MINDY4: variants seen among roughly 807,000 people sequenced by gnomAD.
The protein encoded by MINDY4 is MINDY lysine 48 deubiquitinase 4.
A neutral mutation model predicts 87.0 loss-of-function variants in MINDY4; 68 were observed. The ratio of observed to expected loss-of-function variants is 0.78; its 90% CI spans 0.64 to 0.96. MINDY4 has a LOEUF of 0.96. Ranked by LOEUF, MINDY4 falls within the 40% of genes least tolerant of loss-of-function variation. MINDY4 has a pLI of 0.00. For synonymous variants in MINDY4, 379 were observed against 363.2 expected, an observed-to-expected ratio of 1.04 and a Z score of -0.50; for missense variants, 919 against 928.2, an observed-to-expected ratio of 0.99 and a Z score of 0.13.
At chr7:30,863,003 C>T (rs1011499478) in intron 13 of MINDY4, among the ~76,000 whole-genome samples, 17 of 152,144 alleles carry the variant, frequency 1.1e-4, no homozygotes, top group South Asian at 2.1e-4. Context: ...GCCCCCCTCC[C>T]CAGCCTGCCA....
At chr7:30,802,014 A>G (rs1430580451) in intron 5 of MINDY4, among the ~76,000 whole-genome samples, 1 of 146,494 alleles carries the variant, frequency 6.8e-6, no homozygotes, top group Non-Finnish European at 1.5e-5. Context: ...ATGCAGGAGA[A>G]GTAGCAGCTG....
intron 15 of MINDY4, among the ~76,000 whole-genome samples, chr7:30,878,170 TG>T (rs1790337679): frequency 6.6e-6 from 1 of 152,026 alleles, no homozygotes; most frequent in African/African-American, 2.4e-5. Context: ...GACACAGCCG[TG>T]GGAAGACTGG....
intron 5 of MINDY4, among the ~76,000 whole-genome samples, chr7:30,819,893 T>G (rs1207553717): frequency 1.5e-5 from 1 of 67,450 alleles, no homozygotes; most frequent in Non-Finnish European, 2.5e-5. Context: ...ATATAGATAA[T>G]TTTTTTTTTT....
intron 9 of MINDY4, among the ~76,000 whole-genome samples, chr7:30,846,398 A>T (rs571194133): frequency 5.8e-4 from 88 of 152,256 alleles, no homozygotes; most frequent in Non-Finnish European, 9.3e-4. Context: ...AAGATCATTT[A>T]TTTTCCCTAT....
At chr7:30,814,866 T>C (rs1788101957) in intron 5 of MINDY4, among the ~76,000 whole-genome samples, 1 of 152,234 alleles carries the variant, frequency 6.6e-6, no homozygotes, top group Non-Finnish European at 1.5e-5. Flanking sequence ...CAGTCAGAGC[T>C]GTTTCGAACA....
intron 5 of MINDY4, among the ~76,000 whole-genome samples, chr7:30,795,917 T>C (rs1412313024): frequency 2.6e-5 from 4 of 152,132 alleles, no homozygotes; most frequent in Admixed American, 2.0e-4. Context: ...TGTGATTACC[T>C]TGGACCCACC....
chr7:30,874,337 A>G (rs1212034670), intron 14 of MINDY4, among the ~76,000 whole-genome samples: 1 of 152,224 alleles, frequency 6.6e-6, no homozygotes, highest in East Asian at 1.9e-4. Flanking sequence ...GGAAGAGGGA[A>G]GTCACATGGG....
chr7:30,866,929 C>G (rs1789954440), intron 13 of MINDY4, among the ~76,000 whole-genome samples: 1 of 152,168 alleles, frequency 6.6e-6, no homozygotes, highest in South Asian at 2.1e-4. Context: ...CTCCCCCTGC[C>G]TCCTGGGCTC....
intron 7 of MINDY4, among the ~76,000 whole-genome samples, chr7:30,837,551 A>C (rs76461746): frequency 0.016 from 2,356 of 151,706 alleles, 25 homozygotes; most frequent in Non-Finnish European, 0.02. Flanking sequence ...TCTCTCTCAT[A>C]TCTCCCCCTT....
chr7:30,850,587 CTCA>C, intron 10 of MINDY4, 32 bp downstream of exon 10: 1 of 1,561,240 alleles, frequency 6.4e-7, no homozygotes, highest in Non-Finnish European at 8.7e-7. Context: ...GTTGCCGTGG[CTCA>C]TCGTCTGCTG....
At chr7:30,851,530 C>T (rs543831215) in intron 10 of MINDY4, among the ~76,000 whole-genome samples, 11 of 152,286 alleles carry the variant, frequency 7.2e-5, no homozygotes, top group African/African-American at 1.7e-4. Flanking sequence ...CTAAGCACCA[C>T]GTTTTAGATA....
chr7:30,791,697 C>CGAAGTAACCGGCAAGGTAGAGTTTGT (rs1787329087), intron 5 of MINDY4, 123 bp downstream of exon 5: 1 of 1,057,604 alleles, frequency 9.5e-7, no homozygotes, highest in East Asian at 2.6e-5. Context: ...AACAAGCCTG[C>CGAAGTAACCGGCAAGGTAGAGTTTGT]GAAGTAACCG....
chr7:30,843,650 G>A (rs929061413), intron 9 of MINDY4, among the ~76,000 whole-genome samples: 3 of 142,922 alleles, frequency 2.1e-5, no homozygotes, highest in African/African-American at 8.2e-5. Context: ...ACACCAGGGA[G>A]GGAAGCCAGG....
intron 5 of MINDY4, among the ~76,000 whole-genome samples, chr7:30,811,751 A>G (rs1388191151): frequency 1.3e-5 from 2 of 152,178 alleles, no homozygotes; most frequent in Non-Finnish European, 2.9e-5. Flanking sequence ...GTTCCGTTCT[A>G]ATTACTGGTA....
chr7:30,823,399 G>A (rs1788400803), intron 5 of MINDY4, among the ~76,000 whole-genome samples: 1 of 151,988 alleles, frequency 6.6e-6, no homozygotes, highest in African/African-American at 2.4e-5. Flanking sequence ...ATTCATTGAC[G>A]GTATTCTGTA....
At chr7:30,825,767 G>C (rs1056149500) in intron 5 of MINDY4, among the ~76,000 whole-genome samples, 2 of 152,182 alleles carry the variant, frequency 1.3e-5, no homozygotes, top group African/African-American at 4.8e-5. Flanking sequence ...TACTGCAGTC[G>C]TTTCTTCTTC....
At position 30,778,469 on chromosome 7, in the gene MINDY4, G is replaced by A. The variant is rs751487634; in HGVS notation, c.101G>A (p.Arg34His). The change falls in exon 2 of 18, where the codon CGC (arginine) becomes CAC (histidine). Residue 34 changes from arginine to histidine, a missense_variant. Coordinates refer to ENST00000265299, the MANE Select transcript of MINDY4 (RefSeq NM_032222.3). ...ACATGTGTGACCATGGACCAGGAAC[G>A]CCCACGCTCTGACCTCAGCATAAAC... Reference protein sequence around the residue: ...KKTCVTMDQERPRSDLSINNR... With the variant: ...KKTCVTMDQEHPRSDLSINNR... 10 of 1,614,000 alleles carry A rather than the reference G, an allele frequency of 6.2e-6. No individual in the cohort carries two copies. In the East Asian group the frequency reaches 1.6e-4, roughly 25 times the overall value.
intron 15 of MINDY4, among the ~76,000 whole-genome samples, chr7:30,877,822 CTTTTTTTTTTTTTTTTTTT>C (rs60164229): frequency 2.5e-4 from 12 of 47,542 alleles, no homozygotes; most frequent in East Asian, 1.2e-3. Flanking sequence ...CAGGGACATG[CTTTTTTTTTTTTTTTTTTT>C]TTTTTTTTTT....
intron 4 of MINDY4, among the ~76,000 whole-genome samples, chr7:30,790,678 A>G (rs1277081624): frequency 6.6e-6 from 1 of 152,084 alleles, no homozygotes; most frequent in African/African-American, 2.4e-5. Context: ...TTCCTGACCT[A>G]AAGTGATACA....
Sources: allele counts gnomAD v4.1 joint callset (sites outside exome capture counted in the v4.1 genomes callset), GRCh38; gene constraint gnomAD v4.1.1; transcripts MANE v1.5; gene names NCBI Gene and HGNC (gene_info 2026-07-23, HGNC 2026-07-21).